STARD13: variants seen among roughly 807,000 people sequenced by gnomAD.
STARD13 encodes the protein StAR related lipid transfer domain containing 13, also known as stAR-related lipid transfer protein 13.
STARD13 carries 62 observed loss-of-function variants against 106.4 expected under a neutral mutation model. That is an observed-to-expected ratio of 0.58 (90% CI 0.48 to 0.72). The LOEUF is 0.72. STARD13 is among the 30% of genes least tolerant of loss of function. The pLI is 0.00. For missense variants in STARD13, 1,387 were observed against 1,424.0 expected (o/e 0.97, Z 0.42); for synonymous variants, 565 against 553.0 (o/e 1.02, Z -0.31).
At chr13:33,350,035 C>A (rs5011113) in intron 1 of STARD13, among the ~76,000 whole-genome samples, 66,488 of 152,112 alleles carry the variant, frequency 0.44, 15,404 homozygotes, top group East Asian at 0.64. Flanking sequence ...GTCCCGCGGC[C>A]CGCCAGCATG....
intron 3 of STARD13, among the ~76,000 whole-genome samples, chr13:33,146,931 C>T (rs757206444): frequency 1.3e-5 from 2 of 152,222 alleles, no homozygotes; most frequent in Non-Finnish European, 2.9e-5. Flanking sequence ...AGTAGCCTTG[C>T]ATCCACTGGA....
the STARD13 span, among the ~76,000 whole-genome samples, chr13:33,529,992 T>C: frequency 6.6e-6 from 1 of 152,126 alleles, no homozygotes. Flanking sequence ...TGATGTGTTT[T>C]ACAATTGAGA....
At chr13:33,440,271 A>G in the STARD13 span, among the ~76,000 whole-genome samples, 6,569 of 137,114 alleles carry the variant, frequency 0.048, 449 homozygotes, top group African/African-American at 0.16. Context: ...AGAACGAGGC[A>G]AAAAAAAAAA....
At chr13:33,635,613 T>C in the STARD13 span, among the ~76,000 whole-genome samples, 1 of 150,460 alleles carries the variant, frequency 6.6e-6, no homozygotes, top group African/African-American at 2.5e-5. Context: ...TGAGCTGAGA[T>C]TGTGCCACCG....
chr13:33,545,984 T>C, the STARD13 span, among the ~76,000 whole-genome samples: 7 of 152,212 alleles, frequency 4.6e-5, no homozygotes, highest in Non-Finnish European at 1.0e-4. Flanking sequence ...TAAATAACCT[T>C]ATTTTGTTGA....
intron 1 of STARD13, among the ~76,000 whole-genome samples, chr13:33,220,775 T>A (rs1034199101): frequency 2.0e-5 from 3 of 152,234 alleles, no homozygotes; most frequent in African/African-American, 7.2e-5. Context: ...TCATCCAGGT[T>A]CTGATTCTAA....
chr13:33,114,374 A>G (rs938972994), intron 8 of STARD13, among the ~76,000 whole-genome samples: 1 of 152,110 alleles, frequency 6.6e-6, no homozygotes, highest in African/African-American at 2.4e-5. Context: ...GGCTGACCAC[A>G]CTATGGCCCT....
intron 1 of STARD13, among the ~76,000 whole-genome samples, chr13:33,302,562 G>A (rs538831116): frequency 1.3e-4 from 20 of 152,106 alleles, no homozygotes; most frequent in Admixed American, 2.0e-4. Flanking sequence ...GACCACAGGC[G>A]TGTGCCACCC....
Position 33,325,135 on chromosome 13 carries a change from T to C in STARD13, c.124+25155A>G, listed in dbSNP as rs551595592. On this transcript the variant is annotated intron_variant, in intron 1 of 5. Transcript: ENST00000567873. ...CAAAAAGTTTGTCACAGTTTGCTTG[T>C]TTATCACAGGCAGCTTGTCATTTTC... Among the ~76,000 whole-genome samples, 5 of 152,294 alleles carry C rather than the reference T, an allele frequency of 3.3e-5. No homozygotes were observed. In the East Asian group the frequency reaches 9.6e-4, roughly 29 times the overall value.
chr13:33,158,650 C>A (rs953648538), intron 3 of STARD13: 1 of 152,244 alleles, frequency 6.6e-6, no homozygotes, highest in Non-Finnish European at 1.5e-5. Flanking sequence ...AAAATCACAA[C>A]CCCTTACTGC....
chr13:33,136,311 A>C (rs1879047548), intron 4 of STARD13, among the ~76,000 whole-genome samples: 3 of 152,196 alleles, frequency 2.0e-5, no homozygotes, highest in African/African-American at 7.2e-5. Flanking sequence ...GCACACTTTC[A>C]ATAAAAATCT....
At chr13:33,143,080 T>A (rs1431169052) in intron 3 of STARD13, among the ~76,000 whole-genome samples, 1 of 152,190 alleles carries the variant, frequency 6.6e-6, no homozygotes, top group Admixed American at 6.5e-5. Flanking sequence ...ACAGGACCCT[T>A]ACCAGGAGCC....
the STARD13 span, among the ~76,000 whole-genome samples, chr13:33,424,533 G>C: frequency 6.6e-6 from 1 of 152,184 alleles, no homozygotes; most frequent in Non-Finnish European, 1.5e-5. Flanking sequence ...TGACCAAGTA[G>C]GGGTTCAATT....
At chr13:33,138,674 G>T (rs560267761) in intron 4 of STARD13, 1 of 297,668 alleles carries the variant, frequency 3.4e-6, no homozygotes, top group Non-Finnish European at 6.6e-6. Context: ...GGGCCGCTGG[G>T]AATGCCGCGG....
chr13:33,126,158 C>A lies in STARD13; in HGVS notation c.2005G>T (p.Val669Phe). 6.2e-7 allele frequency: 1 copy of A among 1,614,134 alleles called. No individual in the cohort carries two copies. The highest frequency in any genetic ancestry group is 2.2e-5 in the East Asian group (1 of 44,876). Residue 669 changes from valine (V) to phenylalanine (F), a missense_variant, in exon 7 of 14, where the codon GTC becomes TTC. Val to Phe is a conservative substitution (Grantham distance 50, BLOSUM62 -1). Transcript: ENST00000336934. Reference protein sequence around the residue: ...AVFGVPLIVHVQRTGQPLPQS... With the variant: ...AVFGVPLIVHFQRTGQPLPQS... The stretch of plus-strand genomic sequence containing the variant: ...GGCAGGGGCTGTCCCGTTCTTTGGA[C>A]GTGGACTATGAGAGGAACGCCAAAG...
chr13:33,206,393 A>C (rs370926454), intron 1 of STARD13, among the ~76,000 whole-genome samples: 2 of 144,218 alleles, frequency 1.4e-5, no homozygotes, highest in East Asian at 4.0e-4. Context: ...ACACACACAC[A>C]CACCCATAAA....
Position 33,105,721 on chromosome 13 carries a change from A to G in STARD13, c.3225-11T>C, listed in dbSNP as rs1873598534. The G allele has an allele frequency of 1.2e-6, 2 of 1,601,122 alleles. No individual in the cohort carries two copies. Among genetic ancestry groups the G allele is most frequent in the East Asian group, 2.2e-5 (1 of 44,846 alleles). On this transcript the variant is annotated splice_polypyrimidine_tract_variant and intron_variant, in intron 13 of 13. Coordinates refer to ENST00000336934, the MANE Select transcript of STARD13 (RefSeq NM_178006.4). The stretch of plus-strand genomic sequence containing the variant: ...TCTGGGGAGTGACCTCTGTGGGGAA[A>G]GAAATCAGAAAGGAAGTGGGAAAGT...
the STARD13 span, among the ~76,000 whole-genome samples, chr13:33,440,087 G>A: frequency 6.6e-6 from 1 of 152,014 alleles, no homozygotes; most frequent in Admixed American, 6.6e-5. Flanking sequence ...AATCAGACTG[G>A]GCAACATAGC....
chr13:33,674,740 T>A, the STARD13 span, among the ~76,000 whole-genome samples: 5 of 152,204 alleles, frequency 3.3e-5, no homozygotes, highest in African/African-American at 1.2e-4. Context: ...ATCTTGAAAT[T>A]TTTTTCTGGT....
Sources: gnomAD v4.1 joint callset for allele counts (sites outside exome capture counted in the v4.1 genomes callset) on GRCh38, gnomAD v4.1.1 for gene constraint, MANE v1.5 for transcripts, NCBI Gene and HGNC (gene_info 2026-07-23, HGNC 2026-07-21) for gene names.